PDE3B: variants seen among roughly 807,000 people sequenced by gnomAD.
PDE3B encodes phosphodiesterase 3B.
Under a neutral mutation model 116.8 loss-of-function variants are expected in PDE3B, and 66 were observed. The ratio of observed to expected loss-of-function variants is 0.56; its 90% confidence interval spans 0.46 to 0.69. The LOEUF (loss-of-function observed/expected upper bound fraction) is 0.69, where lower values mean the gene tolerates loss of function less well. PDE3B is among the 30% of genes least tolerant of loss of function. The pLI is 0.00. For synonymous variants in PDE3B, 595 were observed against 533.6 expected (o/e 1.12, Z -1.59); for missense variants, 1,384 against 1,368.1 (o/e 1.01, Z -0.18).
At chr11:14,814,096 G>T (rs1043051119) in intron 5 of PDE3B, among the ~76,000 whole-genome samples, 1 of 152,192 alleles carries the variant, frequency 6.6e-6, no homozygotes, top group Non-Finnish European at 1.5e-5. Flanking sequence ...TAAGCAAATT[G>T]GGAATAGAGG....
intron 1 of PDE3B, chr11:14,699,080 A>G (rs1396265664): frequency 6.6e-6 from 1 of 152,018 alleles, no homozygotes; most frequent in Non-Finnish European, 1.5e-5. Flanking sequence ...GCTAAGCTTT[A>G]TAATTCTGTT....
intron 1 of PDE3B, among the ~76,000 whole-genome samples, chr11:14,649,880 A>G (rs1853521327): frequency 6.6e-6 from 1 of 152,192 alleles, no homozygotes; most frequent in South Asian, 2.1e-4. Flanking sequence ...AAACTGAAAA[A>G]CTGTTAGCTA....
chr11:14,759,162 C>T (rs1304073733), intron 1 of PDE3B, among the ~76,000 whole-genome samples: 1 of 152,028 alleles, frequency 6.6e-6, no homozygotes, highest in Non-Finnish European at 1.5e-5. Context: ...CTGCTGGATT[C>T]GTTTTTTCCA....
chr11:14,770,281 A>T (rs552272901), intron 1 of PDE3B, among the ~76,000 whole-genome samples: 4 of 151,568 alleles, frequency 2.6e-5, no homozygotes, highest in African/African-American at 9.6e-5. Flanking sequence ...TCAGATTTAT[A>T]GATGTTATGA....
chr11:14,855,095 T>C (rs1847824533), intron 12 of PDE3B, among the ~76,000 whole-genome samples: 1 of 152,048 alleles, frequency 6.6e-6, no homozygotes, highest in Non-Finnish European at 1.5e-5. Context: ...AAAAATTCAA[T>C]ATAAGCATTG....
chr11:14,650,034 A>G (rs1223333909), intron 1 of PDE3B, among the ~76,000 whole-genome samples: 1 of 151,890 alleles, frequency 6.6e-6, no homozygotes, highest in Non-Finnish European at 1.5e-5. Context: ...AACTTGGGGC[A>G]GAAGAGTGTA....
chr11:14,892,085 G>T, the PDE3B span: 80 of 1,611,814 alleles, frequency 5.0e-5, no homozygotes, highest in Non-Finnish European at 6.5e-5. Context: ...GGCGGCCCCG[G>T]GGGGAAGCCC....
intron 1 of PDE3B, among the ~76,000 whole-genome samples, chr11:14,715,898 T>C (rs1302459174): frequency 3.3e-5 from 5 of 152,102 alleles, no homozygotes; most frequent in Admixed American, 3.3e-4. Context: ...TAAGAAAATG[T>C]GGCACATAGT....
intron 1 of PDE3B, among the ~76,000 whole-genome samples, chr11:14,706,054 G>A (rs1282479977): frequency 2.6e-5 from 4 of 151,778 alleles, no homozygotes; most frequent in African/African-American, 7.3e-5. Flanking sequence ...CAATGGCCAT[G>A]TTGTTAGACT....
chr11:14,807,775 T>G (rs981044298), intron 5 of PDE3B, among the ~76,000 whole-genome samples: 1 of 152,242 alleles, frequency 6.6e-6, no homozygotes, highest in East Asian at 1.9e-4. Flanking sequence ...GGCTGGGCAC[T>G]GTGACTCACA....
chr11:14,862,794 G>A (rs1215595567), intron 14 of PDE3B, among the ~76,000 whole-genome samples: 8 of 152,072 alleles, frequency 5.3e-5, no homozygotes, highest in South Asian at 2.1e-4. Flanking sequence ...GGCTGGTCTC[G>A]AACTCCTGAC....
the PDE3B span, chr11:14,880,853 G>A: frequency 7.8e-7 from 1 of 1,287,698 alleles, no homozygotes; most frequent in Non-Finnish European, 1.1e-6. Context: ...TTAATGGATG[G>A]TTAGTCATCC....
intron 1 of PDE3B, among the ~76,000 whole-genome samples, chr11:14,749,910 A>ATG (rs1554989213): frequency 7.6e-6 from 1 of 131,488 alleles, no homozygotes; most frequent in African/African-American, 3.1e-5. Context: ...ATATATATAT[A>ATG]TATGTATCTT....
the PDE3B span, chr11:14,891,190 G>A: frequency 2.0e-6 from 2 of 985,480 alleles, no homozygotes; most frequent in Non-Finnish European, 2.4e-6. Context: ...GCCAGTCACA[G>A]GGCATTTCCG....
the PDE3B span, chr11:14,891,241 C>T: frequency 5.1e-6 from 5 of 984,962 alleles, no homozygotes; most frequent in Admixed American, 6.1e-5. Context: ...AGCGAAGTAC[C>T]GACCTCACCG....
At position 14,644,949 on chromosome 11, in the gene PDE3B, C is replaced by A. The variant is rs780178683; in HGVS notation, c.874C>A (p.Arg292=). 2.5e-6 allele frequency: 4 copies of A among 1,613,928 alleles called. No homozygotes were observed. Among genetic ancestry groups the A allele is most frequent in the Middle Eastern group, 1.6e-4 (1 of 6,084 alleles). ...AGAAAAAGTGCCTGTGATCCGACCC[C>A]GGAGGAGGTCCAGCTGCGTGTCGTT... The part of the protein sequence containing the change: ...AEEKVPVIRP[R]RRSSCVSLGE... Residue 292 remains arginine, a synonymous_variant, in exon 1 of 16, where the codon CGG becomes AGG. Transcript: ENST00000282096.
intron 12 of PDE3B, among the ~76,000 whole-genome samples, chr11:14,854,681 T>C (rs1847817063): frequency 6.6e-6 from 1 of 152,154 alleles, no homozygotes; most frequent in East Asian, 1.9e-4. Context: ...CACGCCCAGC[T>C]AATTTTTGTA....
chr11:14,651,592 ACTGAC>A (rs1257564814), intron 1 of PDE3B, among the ~76,000 whole-genome samples: 1 of 152,208 alleles, frequency 6.6e-6, no homozygotes, highest in Non-Finnish European at 1.5e-5. Context: ...CTTCCTATTT[ACTGAC>A]TTTTAAGTTT....
Position 14,804,060 on chromosome 11 carries a change from C to T in PDE3B, c.1522+10C>T. On this transcript the variant is annotated intron_variant, in intron 5 of 15. Coordinates refer to ENST00000282096, the MANE Select transcript of PDE3B (RefSeq NM_000922.4). Reference sequence around the variant, plus strand: ...GGTCTCAGAAGAGCTGGTAAGAAATCATTCTTTATGACTCAAATATGGGGG... The same window carrying T: ...GGTCTCAGAAGAGCTGGTAAGAAATTATTCTTTATGACTCAAATATGGGGG... The T allele has an allele frequency of 6.8e-7, 1 of 1,464,466 alleles. No homozygotes were observed. Among genetic ancestry groups the T allele is most frequent in the African/African-American group, 1.4e-5 (1 of 72,134 alleles). The allele number at this position is 1,464,466 out of a possible 1,614,324, so 90.7% of individuals were successfully genotyped here.
Sources: gnomAD v4.1 joint callset for allele counts (sites outside exome capture counted in the v4.1 genomes callset) on GRCh38, gnomAD v4.1.1 for gene constraint, MANE v1.5 for transcripts, NCBI Gene and HGNC (gene_info 2026-07-23, HGNC 2026-07-21) for gene names.